The following MARS1 variants were observed in gnomAD, a reference collection of about 807,000 sequenced individuals.
MARS1 encodes the protein methionyl-tRNA synthetase 1.
Under a neutral mutation model 119.5 loss-of-function variants are expected in MARS1, and 80 were observed. That is an observed-to-expected ratio of 0.67 (90% confidence interval 0.56 to 0.81). The LOEUF (loss-of-function observed/expected upper bound fraction) is 0.81. MARS1 is among the 30% of genes least tolerant of loss of function. The pLI is 0.00. For missense variants in MARS1, 945 were observed against 1,116.5 expected (o/e 0.85, Z 2.19); for synonymous variants, 418 against 433.4 (o/e 0.96, Z 0.44).
chr12:57,491,681 C>G (rs1282215750), intron 7 of MARS1, among the ~76,000 whole-genome samples: 1 of 152,180 alleles, frequency 6.6e-6, no homozygotes, highest in East Asian at 1.9e-4. Context: ...TCGATGGTTC[C>G]TTTGTGTAAT....
chr12:57,496,929 C>T (rs1043233368), intron 7 of MARS1, among the ~76,000 whole-genome samples: 1 of 152,162 alleles, frequency 6.6e-6, no homozygotes, highest in Non-Finnish European at 1.5e-5. Flanking sequence ...CCTTTGATCT[C>T]CTTTGACACT....
chr12:57,498,673 G>C, intron 9 of MARS1, 50 bp downstream of exon 9: 1 of 1,558,354 alleles, frequency 6.4e-7, no homozygotes, highest in East Asian at 2.2e-5. Flanking sequence ...CTGAGACTGG[G>C]AACAGTGGGA....
intron 7 of MARS1, among the ~76,000 whole-genome samples, chr12:57,495,754 C>G (rs1392837862): frequency 6.6e-6 from 1 of 152,040 alleles, no homozygotes; most frequent in Non-Finnish European, 1.5e-5. Flanking sequence ...ATCCCAGCAC[C>G]TCAGGAGGCC....
intron 11 of MARS1, among the ~76,000 whole-genome samples, chr12:57,506,462 T>A (rs1002472825): frequency 1.3e-5 from 2 of 152,070 alleles, no homozygotes; most frequent in Non-Finnish European, 2.9e-5. Context: ...ATAATAGTCC[T>A]CAGGTTGGGT....
At chr12:57,508,901 C>T (rs1008294998) in intron 11 of MARS1, among the ~76,000 whole-genome samples, 1 of 152,166 alleles carries the variant, frequency 6.6e-6, no homozygotes, top group African/African-American at 2.4e-5. Flanking sequence ...ATACTTTGCT[C>T]TTCGTGAACA....
chr12:57,505,523 A>G (rs1342211057), intron 11 of MARS1, among the ~76,000 whole-genome samples: 2 of 152,086 alleles, frequency 1.3e-5, no homozygotes, highest in Non-Finnish European at 2.9e-5. Flanking sequence ...AAAAAAAAAA[A>G]TAGGCTGGGC....
In MARS1 at chr12:57,512,388, A is replaced by G. The variant is rs200967825; in HGVS notation, c.1753+35A>G. 27 of 1,458,584 alleles carry G rather than the reference A, an allele frequency of 1.9e-5. No individual in the cohort carries two copies. In the African/African-American group the frequency reaches 3.8e-4, roughly 20 times the overall value. The allele number at this position is 1,458,584 out of a possible 1,614,324, so 90.4% of individuals were successfully genotyped here. On this transcript the variant is annotated intron_variant, in intron 14 of 20. Transcript: ENST00000262027. ...CTGGAAGACTACTGATGGGGTGTTC[A>G]TAGGAAATGAGGGGTGAGGCAGTAC... is the stretch of plus-strand genomic sequence containing the variant.
In MARS1 at chr12:57,490,543, G is replaced by A. The variant is rs1206970566; in HGVS notation, c.669G>A (p.Glu223=). The change falls in exon 7 of 21, where the codon GAG becomes GAA. Residue 223 remains glutamate (E), a synonymous_variant. Coordinates refer to ENST00000262027, the MANE Select transcript of MARS1 (RefSeq NM_004990.4). ...ATTCTCTCCACTCTTTATAGGAGGA[G>A]GAGCTGGCTACCCTATCTGAGGAGG... ...GRAVTNEPEE[E]ELATLSEEEI... 1.4e-5 allele frequency: 22 copies of A among 1,614,118 alleles called. No homozygotes were observed. The highest frequency in any genetic ancestry group is 1.7e-5 in the Non-Finnish European group (20 of 1,179,980).
Position 57,515,175 on chromosome 12 carries a change from T to C in MARS1, c.2230T>C (p.Leu744=), listed in dbSNP as rs762062288. The part of the protein sequence containing the change: ...DRQRAGTVTG[L]AVNIAALLSV... ...GCAACGGGCAGGAACAGTGACTGGC[T>C]TGGCAGTGAATATAGCTGCCTTGCT... The change falls in exon 18 of 21, where the codon TTG becomes CTG. Residue 744 remains leucine, a synonymous_variant. Transcript: ENST00000262027. The C allele has an allele frequency of 1.7e-5, 27 of 1,614,122 alleles. No individual in the cohort carries two copies. The highest frequency in any genetic ancestry group is 1.7e-6 in the Non-Finnish European group (2 of 1,180,048).
At chr12:57,494,189 CAG>C (rs1369445489) in intron 7 of MARS1, among the ~76,000 whole-genome samples, 2 of 150,878 alleles carry the variant, frequency 1.3e-5, no homozygotes, top group Non-Finnish European at 1.5e-5. Flanking sequence ...CTCCTGACCT[CAG>C]GGGATCCACC....
Position 57,516,272 on chromosome 12 carries a change from G to C in MARS1, c.2491G>C (p.Val831Leu). 2.5e-6 allele frequency: 4 copies of C among 1,614,224 alleles called. No homozygotes were observed. The highest frequency in any genetic ancestry group is 3.4e-6 in the Non-Finnish European group (4 of 1,180,046). ...AAAAACGTCCCCGAAGCCAGCAGTT[G>C]TAGAGACTGTTACAACAGCCAAGCC... ...QAKTSPKPAV[V>L]ETVTTAKPQQ... is the part of the protein sequence containing the mutation. Residue 831 changes from valine to leucine, a missense_variant, in exon 20 of 21, where the codon GTA becomes CTA. Coordinates refer to ENST00000262027, the MANE Select transcript of MARS1 (RefSeq NM_004990.4).
At position 57,493,481 on chromosome 12, in the gene MARS1, TAATATATAATATATTATAATA is replaced by T. The variant is rs1876176886; in HGVS notation, c.770+2838_770+2858del. 7.5e-4 allele frequency among the ~76,000 whole-genome samples: 7 copies of T among 9,316 alleles called. 1 individual carries two copies. Among genetic ancestry groups the T allele is most frequent in the African/African-American group, 2.5e-3 (7 of 2,856 alleles). 6.1% of individuals were successfully genotyped at this position (9,316 alleles called of 152,430 possible). ...ATTATAATATATAATATATAATATA[TAATATATAATATATTATAATA>T]TATAATATATAATATATAATATATT... is the stretch of plus-strand genomic sequence containing the variant. On this transcript the variant is annotated intron_variant, in intron 7 of 20. Transcript: ENST00000262027.
intron 11 of MARS1, among the ~76,000 whole-genome samples, chr12:57,510,138 C>T (rs892865233): frequency 1.1e-4 from 16 of 151,944 alleles, no homozygotes; most frequent in African/African-American, 2.9e-4. Flanking sequence ...CAGCCTTCTG[C>T]GTAGTTGGGA....
At position 57,500,326 on chromosome 12, in the gene MARS1, C is replaced by G. The variant is rs142248205; in HGVS notation, c.1097C>G (p.Thr366Ser). ...RTTTPQQTKI[T>S]QDIFQQLLKR... is the part of the protein sequence containing the mutation. Reference sequence around the variant, plus strand: ...TCCCTGGCCCACCTCACCAGAATCACCCAGGACATTTTCCAGCAGTTGCTG... The same window carrying G: ...TCCCTGGCCCACCTCACCAGAATCAGCCAGGACATTTTCCAGCAGTTGCTG... The change falls in exon 10 of 21, where the codon ACC becomes AGC. Residue 366 changes from threonine (T) to serine (S), a missense_variant. By Grantham distance (58) the Thr-to-Ser change is moderately conservative (BLOSUM62 1). Transcript: ENST00000262027. 14 of 1,614,084 alleles carry G rather than the reference C, an allele frequency of 8.7e-6. No homozygotes were observed. The African/African-American group carries it at 1.2e-4, about 14-fold the overall frequency.
At chr12:57,510,807 C>T (rs1877476849) in intron 11 of MARS1, among the ~76,000 whole-genome samples, 1 of 151,720 alleles carries the variant, frequency 6.6e-6, no homozygotes, top group Non-Finnish European at 1.5e-5. Context: ...GTGGCTTATG[C>T]CTGTAATTCC....
intron 11 of MARS1, among the ~76,000 whole-genome samples, chr12:57,510,663 G>A (rs1321110837): frequency 6.6e-6 from 1 of 151,646 alleles, no homozygotes; most frequent in Non-Finnish European, 1.5e-5. Flanking sequence ...GGCCATGGTG[G>A]TTCATGCCTG....
chr12:57,514,909 GTC>G, intron 16 of MARS1, 43 bp from the exon 17 acceptor site: 1 of 1,613,724 alleles, frequency 6.2e-7, no homozygotes, highest in Non-Finnish European at 8.5e-7. Context: ...CCTTGTATTG[GTC>G]TCTGTAGGAC....
At chr12:57,495,987 G>A (rs564668978) in intron 7 of MARS1, among the ~76,000 whole-genome samples, 18 of 152,194 alleles carry the variant, frequency 1.2e-4, no homozygotes, top group Middle Eastern at 3.4e-3. Context: ...GAGGGAGACC[G>A]TGGAAAGTGG....
At chr12:57,490,055 C>G in intron 5 of MARS1, 84 bp downstream of exon 5, 2 of 1,470,902 alleles carry the variant, frequency 1.4e-6, no homozygotes, top group South Asian at 1.1e-5. Flanking sequence ...GAACTCCCTT[C>G]AAGGTACAGC....
Sources: gnomAD v4.1 joint callset for allele counts (sites outside exome capture counted in the v4.1 genomes callset) on GRCh38, gnomAD v4.1.1 for gene constraint, MANE v1.5 for transcripts, NCBI Gene and HGNC (gene_info 2026-07-23, HGNC 2026-07-21) for gene names.